MCHR2: variants seen among roughly 807,000 people sequenced by gnomAD.
MCHR2 encodes the protein melanin concentrating hormone receptor 2.
MCHR2 carries 15 observed loss-of-function variants against 24.8 expected under a neutral mutation model. The observed-to-expected ratio is 0.60, with a 90% CI of 0.40 to 0.93. MCHR2 has a LOEUF of 0.93. Among genes scored for constraint, MCHR2 ranks in the 40% least tolerant of loss-of-function variants. The pLI, the probability that MCHR2 is intolerant of heterozygous loss-of-function variation, is 0.00. For missense variants in MCHR2, 386 were observed against 408.7 expected, an observed-to-expected ratio of 0.94 and a Z score of 0.48; for synonymous variants, 151 against 147.6, an observed-to-expected ratio of 1.02 and a Z score of -0.17.
chr6:99,990,588 A>C (rs1194160997), intron 1 of MCHR2, among the ~76,000 whole-genome samples: 2 of 152,230 alleles, frequency 1.3e-5, no homozygotes, highest in African/African-American at 2.4e-5. Context: ...TGAAATACAC[A>C]ATTGTTACTG....
chr6:99,945,879 C>T (rs1774863054), intron 3 of MCHR2, among the ~76,000 whole-genome samples: 1 of 152,074 alleles, frequency 6.6e-6, no homozygotes, highest in South Asian at 2.1e-4. Context: ...GAGTAAGATA[C>T]CACGCCTGCA....
intron 1 of MCHR2, among the ~76,000 whole-genome samples, chr6:99,961,662 C>T (rs890876152): frequency 2.0e-5 from 3 of 152,034 alleles, no homozygotes; most frequent in Non-Finnish European, 4.4e-5. Context: ...ACAACGAGAA[C>T]ACATAGACAC....
chr6:99,925,117 C>A (rs1298364546), intron 5 of MCHR2, among the ~76,000 whole-genome samples: 2 of 151,988 alleles, frequency 1.3e-5, no homozygotes, highest in Non-Finnish European at 2.9e-5. Flanking sequence ...ATTGTTATAT[C>A]CTCTTGCTAA....
chr6:99,942,667 T>C lies in MCHR2; in HGVS notation c.587+282A>G, dbSNP rs141713528. Among the ~76,000 whole-genome samples, 3 of 152,188 alleles carry C rather than the reference T, an allele frequency of 2.0e-5. No individual in the cohort carries two copies. The East Asian group carries it at 5.8e-4, about 29-fold the overall frequency. ...TTCCTTACCTCCCTTGATTGCTGCA[T>C]TCCCACTGCGTCTGGCTGCTATGAA... On this transcript the variant is annotated intron_variant, in intron 4 of 5. Transcript: ENST00000281806.
At chr6:99,950,948 A>G (rs952692524) in intron 2 of MCHR2, among the ~76,000 whole-genome samples, 1 of 152,092 alleles carries the variant, frequency 6.6e-6, no homozygotes, top group Non-Finnish European at 1.5e-5. Context: ...TTGGCTTCTG[A>G]TTAGGTTTAG....
chr6:99,948,441 C>G (rs1431949487), intron 2 of MCHR2, among the ~76,000 whole-genome samples: 4 of 152,084 alleles, frequency 2.6e-5, no homozygotes, highest in Non-Finnish European at 4.4e-5. Context: ...GGTTAACAAC[C>G]AGTCAGCACC....
intron 5 of MCHR2, among the ~76,000 whole-genome samples, chr6:99,927,001 T>C (rs1774377576): frequency 6.6e-6 from 1 of 152,212 alleles, no homozygotes; most frequent in African/African-American, 2.4e-5. Context: ...CCATGTTGAA[T>C]TAATTTTTGT....
chr6:99,983,645 TC>T (rs754211516), intron 1 of MCHR2, among the ~76,000 whole-genome samples: 1 of 152,212 alleles, frequency 6.6e-6, no homozygotes, highest in Non-Finnish European at 1.5e-5. Flanking sequence ...TTAGTTGGTT[TC>T]CTGGCAACAA....
At chr6:99,991,599 A>AGATCG (rs906311346) in intron 1 of MCHR2, among the ~76,000 whole-genome samples, 1 of 152,114 alleles carries the variant, frequency 6.6e-6, no homozygotes, top group African/African-American at 2.4e-5. Context: ...GGAGGTCAGG[A>AGATCG]GATCGAGACC....
At chr6:99,939,615 T>C (rs576236278) in intron 4 of MCHR2, among the ~76,000 whole-genome samples, 8 of 152,110 alleles carry the variant, frequency 5.3e-5, no homozygotes, top group East Asian at 1.9e-4. Flanking sequence ...TTATACACCA[T>C]AATTACAGTA....
At chr6:99,954,961 T>G (rs1775031358) in intron 2 of MCHR2, among the ~76,000 whole-genome samples, 2 of 152,202 alleles carry the variant, frequency 1.3e-5, no homozygotes, top group African/African-American at 2.4e-5. Flanking sequence ...TATCTCATTA[T>G]GCATATACAA....
At chr6:99,991,732 G>A (rs1331593880) in intron 1 of MCHR2, among the ~76,000 whole-genome samples, 1 of 150,382 alleles carries the variant, frequency 6.6e-6, no homozygotes, top group Non-Finnish European at 1.5e-5. Context: ...GCGAGAACCC[G>A]GGAGGCGGAG....
At chr6:99,926,992 C>A (rs1265200205) in intron 5 of MCHR2, among the ~76,000 whole-genome samples, 1 of 152,034 alleles carries the variant, frequency 6.6e-6, no homozygotes, top group African/African-American at 2.4e-5. Flanking sequence ...GTCTTTAATC[C>A]ATGTTGAATT....
chr6:99,982,676 T>A (rs1775694049), intron 1 of MCHR2, among the ~76,000 whole-genome samples: 1 of 151,936 alleles, frequency 6.6e-6, no homozygotes, highest in Non-Finnish European at 1.5e-5. Context: ...TGGGGTGCTA[T>A]TATGGGTGCC....
At chr6:99,938,509 G>T (rs1562121120) in intron 4 of MCHR2, among the ~76,000 whole-genome samples, 2 of 151,994 alleles carry the variant, frequency 1.3e-5, no homozygotes, top group East Asian at 3.8e-4. Context: ...AGTTTCCAAG[G>T]TTGCTCTTGT....
At chr6:99,961,678 G>C (rs963862063) in intron 1 of MCHR2, among the ~76,000 whole-genome samples, 1 of 152,044 alleles carries the variant, frequency 6.6e-6, no homozygotes, top group Non-Finnish European at 1.5e-5. Context: ...GACACAGGGT[G>C]GGGGACATCA....
chr6:99,967,269 T>C (rs1477236323), intron 1 of MCHR2, among the ~76,000 whole-genome samples: 1 of 152,088 alleles, frequency 6.6e-6, no homozygotes, highest in Admixed American at 6.6e-5. Context: ...ACTGACATCT[T>C]CATACATACA....
intron 1 of MCHR2, among the ~76,000 whole-genome samples, chr6:99,962,208 A>G (rs1775202440): frequency 6.6e-6 from 1 of 152,182 alleles, no homozygotes; most frequent in Non-Finnish European, 1.5e-5. Flanking sequence ...TGAGACAGCT[A>G]CTAAGTGACT....
intron 1 of MCHR2, among the ~76,000 whole-genome samples, chr6:99,963,323 T>A (rs1291868544): frequency 6.6e-6 from 1 of 152,112 alleles, no homozygotes; most frequent in Non-Finnish European, 1.5e-5. Flanking sequence ...AATATTATTC[T>A]GCCATAAAAT....
Sources: allele counts gnomAD v4.1 joint callset (sites outside exome capture counted in the v4.1 genomes callset), GRCh38; gene constraint gnomAD v4.1.1; transcripts MANE v1.5; gene names NCBI Gene and HGNC (gene_info 2026-07-23, HGNC 2026-07-21).